Variants in DLC1 observed in about 807,000 individuals in gnomAD.
The protein encoded by DLC1 is rho GTPase-activating protein 7.
A neutral mutation model predicts 140.3 loss-of-function variants in DLC1; 54 were observed. The observed-to-expected ratio is 0.38, with a 90% CI of 0.31 to 0.48. The LOEUF is 0.48. Among genes scored for constraint, DLC1 ranks in the 20% least tolerant of loss-of-function variants. The probability of loss-of-function intolerance (pLI) is 0.96; values close to 1 mark genes in which losing one functional copy is unlikely to be tolerated. For synonymous variants in DLC1, 986 were observed against 728.1 expected (o/e 1.35, Z -5.70); for missense variants, 2,536 against 1,907.0 (o/e 1.33, Z -6.14).
In DLC1 at chr8:13,110,646, A is replaced by G; in HGVS notation, c.1502+96T>C. 5 of 1,204,510 alleles carry G rather than the reference A, an allele frequency of 4.2e-6. No individual in the cohort carries two copies. In the Admixed American group the frequency reaches 8.2e-5, roughly 20 times the overall value. The allele number at this position is 1,204,510 out of a possible 1,614,324, so 74.6% of individuals were successfully genotyped here. ...GGTTTGCCAATAAAAACCTAACACA[A>G]TTAGCAAGAACAAAAGCAAACAAAG... On this transcript the variant is annotated intron_variant, in intron 7 of 17. Transcript: ENST00000276297.
At chr8:13,359,189 C>T (rs1434612781) in intron 4 of DLC1, among the ~76,000 whole-genome samples, 5 of 152,144 alleles carry the variant, frequency 3.3e-5, no homozygotes, top group African/African-American at 1.2e-4. Context: ...TCCAGTGCCT[C>T]GGCCTCCCAA....
chr8:13,290,378 C>T (rs1298920997), intron 5 of DLC1, among the ~76,000 whole-genome samples: 1 of 152,036 alleles, frequency 6.6e-6, no homozygotes, highest in Admixed American at 6.6e-5. Flanking sequence ...TGGAGGCATC[C>T]AGGAATCTGA....
chr8:13,147,342 C>G (rs1258220987), intron 5 of DLC1, among the ~76,000 whole-genome samples: 1 of 152,180 alleles, frequency 6.6e-6, no homozygotes, highest in African/African-American at 2.4e-5. Flanking sequence ...TCTTTTTCCC[C>G]TTTTCAAGTG....
chr8:13,162,777 G>A (rs184356595), intron 5 of DLC1, among the ~76,000 whole-genome samples: 4 of 152,060 alleles, frequency 2.6e-5, no homozygotes, highest in South Asian at 4.2e-4. Context: ...CCGTCTTTAC[G>A]CCTCCCCAGC....
intron 5 of DLC1, among the ~76,000 whole-genome samples, chr8:13,221,700 A>ATG (rs1563176924): frequency 7.7e-4 from 90 of 117,488 alleles, no homozygotes; most frequent in African/African-American, 2.4e-3. Flanking sequence ...GTGTGTGTAT[A>ATG]TGTGTGTGTA....
At chr8:13,566,085 T>C (rs558458809) in intron 1 of DLC1, among the ~76,000 whole-genome samples, 2 of 152,230 alleles carry the variant, frequency 1.3e-5, no homozygotes, top group Admixed American at 6.5e-5. Flanking sequence ...CTCATACTAG[T>C]CGGCAACACC....
intron 5 of DLC1, among the ~76,000 whole-genome samples, chr8:13,225,495 ATG>A (rs1007668236): frequency 6.6e-6 from 1 of 152,186 alleles, no homozygotes; most frequent in Admixed American, 6.5e-5. Flanking sequence ...TAAGTTAAAT[ATG>A]TAGCACATGG....
intron 5 of DLC1, among the ~76,000 whole-genome samples, chr8:13,293,389 G>A (rs1379331217): frequency 6.6e-6 from 1 of 152,212 alleles, no homozygotes; most frequent in Non-Finnish European, 1.5e-5. Context: ...ATAAGAGTGA[G>A]GCTGAAAGAG....
At chr8:13,119,005 G>C (rs150132420) in intron 5 of DLC1, among the ~76,000 whole-genome samples, 3 of 152,160 alleles carry the variant, frequency 2.0e-5, no homozygotes, top group African/African-American at 4.8e-5. Flanking sequence ...GAGTTGGGTG[G>C]ACTGTTTGAG....
chr8:13,382,102 G>A lies in DLC1; in HGVS notation c.1314+11451C>T, dbSNP rs550638561. Among the ~76,000 whole-genome samples, 128 of 152,258 alleles carry A rather than the reference G, an allele frequency of 8.4e-4. 2 individuals are homozygous for A. In the South Asian group the frequency reaches 0.026, roughly 30 times the overall value. On this transcript the variant is annotated intron_variant, in intron 4 of 17. Coordinates refer to ENST00000276297, the MANE Select transcript of DLC1 (RefSeq NM_182643.3). ...GAGGAAAAAATTTAGCAATATTGTTGTGTGTGGTAATGTAGAAAGTAAAAA... is the reference window on the plus strand; with the variant it reads ...GAGGAAAAAATTTAGCAATATTGTTATGTGTGGTAATGTAGAAAGTAAAAA...
intron 1 of DLC1, among the ~76,000 whole-genome samples, chr8:13,590,654 C>T (rs922880176): frequency 6.6e-6 from 1 of 152,022 alleles, no homozygotes; most frequent in African/African-American, 2.4e-5. Flanking sequence ...ATAAAATAAT[C>T]AGAGTGGGCT....
At chr8:13,268,779 G>C (rs1373947571) in intron 5 of DLC1, among the ~76,000 whole-genome samples, 1 of 151,986 alleles carries the variant, frequency 6.6e-6, no homozygotes, top group Non-Finnish European at 1.5e-5. Flanking sequence ...TCCATGAGGG[G>C]AAGTGGGGCC....
chr8:13,110,426 C>T (rs1308472822), intron 7 of DLC1, among the ~76,000 whole-genome samples: 1 of 152,112 alleles, frequency 6.6e-6, no homozygotes, highest in Non-Finnish European at 1.5e-5. Context: ...GCTTAATTTC[C>T]ATCGTACCCT....
chr8:13,202,703 T>A (rs1827457431), intron 5 of DLC1, among the ~76,000 whole-genome samples: 1 of 152,010 alleles, frequency 6.6e-6, no homozygotes. Context: ...TGAGATGCGG[T>A]CTCACTGTTA....
At chr8:13,259,025 T>A (rs1830373042) in intron 5 of DLC1, among the ~76,000 whole-genome samples, 1 of 150,824 alleles carries the variant, frequency 6.6e-6, no homozygotes, top group Non-Finnish European at 1.5e-5. Context: ...TACTCCCAGC[T>A]ACTCTGGAGG....
intron 1 of DLC1, among the ~76,000 whole-genome samples, chr8:13,546,967 A>ATG (rs1803669384): frequency 6.6e-6 from 1 of 152,098 alleles, no homozygotes; most frequent in Non-Finnish European, 1.5e-5. Context: ...TTGTATATAT[A>ATG]AAAAACATAG....
At chr8:13,258,133 A>G (rs750433733) in intron 5 of DLC1, among the ~76,000 whole-genome samples, 1 of 152,206 alleles carries the variant, frequency 6.6e-6, no homozygotes, top group Admixed American at 6.5e-5. Context: ...TCACAAGTGC[A>G]AGGGTAAGAG....
intron 5 of DLC1, among the ~76,000 whole-genome samples, chr8:13,295,209 A>T (rs1347322709): frequency 6.6e-6 from 1 of 152,246 alleles, no homozygotes; most frequent in Admixed American, 6.5e-5. Context: ...TCCATAGAAA[A>T]GAACTGATTT....
intron 4 of DLC1, among the ~76,000 whole-genome samples, chr8:13,334,802 T>A (rs779189141): frequency 4.6e-5 from 7 of 152,234 alleles, no homozygotes; most frequent in Non-Finnish European, 1.0e-4. Context: ...GCTTGTTAGA[T>A]GTCCAAAGTA....
Sources: gnomAD v4.1 joint callset for allele counts (sites outside exome capture counted in the v4.1 genomes callset) on GRCh38, gnomAD v4.1.1 for gene constraint, MANE v1.5 for transcripts, NCBI Gene and HGNC (gene_info 2026-07-23, HGNC 2026-07-21) for gene names.